The following PHTF2 variants were observed in gnomAD, a reference collection of about 807,000 sequenced individuals.
PHTF2 encodes putative homeodomain transcription factor 2, also known as protein PHTF2.
Under a neutral mutation model 101.2 loss-of-function variants are expected in PHTF2, and 60 were observed. The ratio of observed to expected loss-of-function variants is 0.59; its 90% CI spans 0.48 to 0.73. PHTF2 has a LOEUF of 0.73. Ranked by LOEUF, PHTF2 falls within the 30% of genes least tolerant of loss-of-function variation. The pLI, the probability that PHTF2 is intolerant of heterozygous loss-of-function variation, is 0.00. For synonymous variants in PHTF2, 311 were observed against 307.3 expected (o/e 1.01, Z -0.13); for missense variants, 747 against 908.7 (o/e 0.82, Z 2.29).
chr7:77,943,478 A>G (rs1039920171), intron 16 of PHTF2, among the ~76,000 whole-genome samples: 6 of 146,624 alleles, frequency 4.1e-5, no homozygotes, highest in African/African-American at 1.5e-4. Flanking sequence ...ACTGCTGCAT[A>G]CTCTGAAAAA....
At chr7:77,884,230 T>TA (rs1799634684) in intron 3 of PHTF2, among the ~76,000 whole-genome samples, 2 of 152,220 alleles carry the variant, frequency 1.3e-5, no homozygotes, top group African/African-American at 4.8e-5. Flanking sequence ...TTTTTAAAAT[T>TA]AAAAAAGAAA....
chr7:77,892,167 G>A (rs1341913441), intron 3 of PHTF2, among the ~76,000 whole-genome samples: 2 of 152,192 alleles, frequency 1.3e-5, no homozygotes, highest in African/African-American at 2.4e-5. Context: ...GCACGCGCCT[G>A]TAGCCCCAGC....
At chr7:77,820,544 T>G (rs9769871) in intron 1 of PHTF2, among the ~76,000 whole-genome samples, 87,979 of 151,244 alleles carry the variant, frequency 0.58, 27,432 homozygotes, top group African/African-American at 0.83. Context: ...GTGTGTGTGT[T>G]TGTGTATACG....
intron 5 of PHTF2, among the ~76,000 whole-genome samples, chr7:77,897,235 T>C (rs1484632603): frequency 6.6e-6 from 1 of 150,572 alleles, no homozygotes; most frequent in African/African-American, 2.4e-5. Flanking sequence ...ATATTAACAA[T>C]ACACAGAAGT....
intron 1 of PHTF2, among the ~76,000 whole-genome samples, chr7:77,812,744 C>T (rs1294356499): frequency 6.6e-6 from 1 of 152,092 alleles, no homozygotes; most frequent in Admixed American, 6.6e-5. Context: ...CGCACGCCAC[C>T]ACGCCCAGCT....
At chr7:77,929,036 G>A in intron 11 of PHTF2, 73 bp from the exon 11 acceptor site, 1 of 1,075,750 alleles carries the variant, frequency 9.3e-7, no homozygotes, top group Non-Finnish European at 1.4e-6. Flanking sequence ...TCAATATATG[G>A]GTTCTGATAG....
chr7:77,828,445 T>A (rs1304871908), intron 1 of PHTF2, among the ~76,000 whole-genome samples: 1 of 152,156 alleles, frequency 6.6e-6, no homozygotes, highest in Non-Finnish European at 1.5e-5. Context: ...AAAGTTGCTT[T>A]AAAAGACATA....
chr7:77,941,844 A>G (rs978260518), intron 15 of PHTF2, among the ~76,000 whole-genome samples: 7 of 152,152 alleles, frequency 4.6e-5, no homozygotes, highest in African/African-American at 1.4e-4. Flanking sequence ...TTAAAAATGT[A>G]TATTTGGCCC....
intron 16 of PHTF2, among the ~76,000 whole-genome samples, chr7:77,946,200 A>C: frequency 6.6e-6 from 1 of 152,244 alleles, no homozygotes; most frequent in East Asian, 1.9e-4. Context: ...GGCAGAAAAC[A>C]TGCAATCATA....
chr7:77,933,278 T>G (rs1298846185), intron 12 of PHTF2, among the ~76,000 whole-genome samples: 1 of 152,082 alleles, frequency 6.6e-6, no homozygotes, highest in Non-Finnish European at 1.5e-5. Flanking sequence ...AAATAGTTGC[T>G]CTTCAAGGGA....
chr7:77,858,786 A>G (rs752689486), intron 3 of PHTF2, among the ~76,000 whole-genome samples: 6 of 152,092 alleles, frequency 3.9e-5, no homozygotes, highest in Non-Finnish European at 7.4e-5. Context: ...TTCTGTATAT[A>G]GTCTCATGGT....
intron 7 of PHTF2, among the ~76,000 whole-genome samples, chr7:77,904,389 T>C (rs1247997498): frequency 6.6e-6 from 1 of 152,208 alleles, no homozygotes; most frequent in Non-Finnish European, 1.5e-5. Flanking sequence ...CTCCCCAATG[T>C]AGTTACATAT....
chr7:77,935,247 G>T (rs1326731957), intron 12 of PHTF2, among the ~76,000 whole-genome samples: 11 of 118,506 alleles, frequency 9.3e-5, no homozygotes, highest in South Asian at 8.8e-4. Flanking sequence ...TTTTCAGACG[G>T]AGTCCCACTC....
intron 1 of PHTF2, among the ~76,000 whole-genome samples, chr7:77,818,202 T>C (rs1794007725): frequency 6.6e-6 from 1 of 152,208 alleles, no homozygotes; most frequent in Non-Finnish European, 1.5e-5. Flanking sequence ...TTTCTCCTAG[T>C]CTATAGGTTA....
At chr7:77,818,633 A>G (rs1794039676) in intron 1 of PHTF2, among the ~76,000 whole-genome samples, 1 of 152,214 alleles carries the variant, frequency 6.6e-6, no homozygotes, top group African/African-American at 2.4e-5. Context: ...TTTTTATGCC[A>G]GTACTATGCT....
intron 19 of PHTF2, among the ~76,000 whole-genome samples, chr7:77,954,620 A>AACTTGTT (rs1806843189): frequency 8.5e-6 from 1 of 117,146 alleles, no homozygotes; most frequent in Non-Finnish European, 2.0e-5. Flanking sequence ...GTGTATATAT[A>AACTTGTT]TATATATATA....
At position 77,945,391 on chromosome 7, in the gene PHTF2, A is replaced by G. The variant is rs925729202; in HGVS notation, c.1959+2605A>G. Among the ~76,000 whole-genome samples, 8 of 152,202 alleles carry G rather than the reference A, an allele frequency of 5.3e-5. 1 individual carries two copies. Among genetic ancestry groups the G allele is most frequent in the African/African-American group, 1.9e-4 (8 of 41,458 alleles). On this transcript the variant is annotated intron_variant, in intron 16 of 19. Coordinates refer to ENST00000416283, the Ensembl canonical transcript of PHTF2. ...ATGCTGAAAAACAACATTTGGAGAA[A>G]TAATGGCTAAGAATTTTTCTGAATT... is the stretch of plus-strand genomic sequence containing the variant.
chr7:77,946,608 C>G (rs1806069570), intron 16 of PHTF2, among the ~76,000 whole-genome samples: 1 of 152,094 alleles, frequency 6.6e-6, no homozygotes, highest in Non-Finnish European at 1.5e-5. Context: ...TTTCTATAAA[C>G]CAGAGATCAG....
intron 1 of PHTF2, among the ~76,000 whole-genome samples, chr7:77,818,134 T>C (rs1300744709): frequency 1.3e-5 from 2 of 152,042 alleles, no homozygotes; most frequent in Non-Finnish European, 2.9e-5. Flanking sequence ...AACAACAGTT[T>C]GAGTTCCTTG....
Sources: gnomAD v4.1 joint callset for allele counts (sites outside exome capture counted in the v4.1 genomes callset) on GRCh38, gnomAD v4.1.1 for gene constraint, MANE v1.5 for transcripts, NCBI Gene and HGNC (gene_info 2026-07-23, HGNC 2026-07-21) for gene names.